FOXP1: variants seen among roughly 807,000 people sequenced by gnomAD.
FOXP1 encodes forkhead box protein P1.
In FOXP1, 15 loss-of-function variants were observed where a neutral mutation model predicts 98.2. The observed-to-expected ratio is 0.15, with a 90% CI of 0.10 to 0.24. The LOEUF (loss-of-function observed/expected upper bound fraction) is 0.24. Ranked by LOEUF, FOXP1 falls within the 10% of genes least tolerant of loss-of-function variation. FOXP1 has a pLI of 1.00. For missense variants in FOXP1, 633 were observed against 848.5 expected (o/e 0.75, Z 3.15); for synonymous variants, 371 against 314.5 (o/e 1.18, Z -1.90).
intron 7 of FOXP1, among the ~76,000 whole-genome samples, chr3:71,106,580 T>A (rs1173381779): frequency 6.6e-6 from 1 of 151,870 alleles, no homozygotes; most frequent in Non-Finnish European, 1.5e-5. Context: ...CGCCTTGGCT[T>A]CTCAAAGTGC....
At chr3:71,415,987 G>A (rs190810527) in intron 3 of FOXP1, among the ~76,000 whole-genome samples, 67 of 152,228 alleles carry the variant, frequency 4.4e-4, no homozygotes, top group Admixed American at 7.9e-4. Context: ...TTTCGTCACA[G>A]GAATGATAGA....
At chr3:71,542,971 T>G (rs1447247373) in intron 2 of FOXP1, among the ~76,000 whole-genome samples, 1 of 152,226 alleles carries the variant, frequency 6.6e-6, no homozygotes, top group African/African-American at 2.4e-5. Flanking sequence ...GTGGTCCAAG[T>G]TCAGCTGGGC....
intron 6 of FOXP1, among the ~76,000 whole-genome samples, chr3:71,132,435 TA>T (rs533046669): frequency 1.3e-5 from 2 of 151,852 alleles, no homozygotes; most frequent in East Asian, 1.9e-4. Context: ...GACATGCAAT[TA>T]AAAAAAATAA....
Position 71,197,195 on chromosome 3 carries a change from C to G in FOXP1, c.180+1007G>C, listed in dbSNP as rs180698542. On this transcript the variant is annotated intron_variant, in intron 6 of 20. Transcript: ENST00000649528. ...TCCCCACAAGAGTTCCTGCAGCTTT[C>G]AGAAAGGCCCAAAGATACTTCATTC... Among the ~76,000 whole-genome samples, 8 of 152,256 alleles carry G rather than the reference C, an allele frequency of 5.3e-5. No individual in the cohort carries two copies. In the East Asian group the frequency reaches 1.5e-3, roughly 29 times the overall value.
chr3:71,171,781 T>C (rs918789449), intron 6 of FOXP1, among the ~76,000 whole-genome samples: 1 of 152,242 alleles, frequency 6.6e-6, no homozygotes, highest in African/African-American at 2.4e-5. Flanking sequence ...CACACAGGGC[T>C]GGGGTCTGGG....
intron 6 of FOXP1, chr3:71,130,919 G>T: frequency 7.5e-7 from 1 of 1,341,454 alleles, no homozygotes; most frequent in Non-Finnish European, 9.6e-7. Flanking sequence ...CACACGCAGT[G>T]CGCCCTGGCT....
intron 11 of FOXP1, among the ~76,000 whole-genome samples, chr3:71,030,875 C>A (rs2046776824): frequency 6.6e-6 from 1 of 152,152 alleles, no homozygotes; most frequent in South Asian, 2.1e-4. Context: ...TTGTTCTTGT[C>A]ATAAATCTGA....
At chr3:71,505,627 G>A (rs1260329459) in intron 2 of FOXP1, among the ~76,000 whole-genome samples, 5 of 151,934 alleles carry the variant, frequency 3.3e-5, no homozygotes, top group Admixed American at 2.0e-4. Flanking sequence ...GGGTTTCACC[G>A]TGTTAGCCAG....
intron 20 of FOXP1, among the ~76,000 whole-genome samples, chr3:70,962,011 T>C (rs2033654639): frequency 6.6e-6 from 1 of 152,222 alleles, no homozygotes; most frequent in Non-Finnish European, 1.5e-5. Flanking sequence ...ATACCCTACA[T>C]TCTTTTAGGA....
intron 10 of FOXP1, among the ~76,000 whole-genome samples, chr3:71,042,745 G>C (rs1159215406): frequency 6.6e-6 from 1 of 152,118 alleles, no homozygotes; most frequent in Non-Finnish European, 1.5e-5. Context: ...AATTAAAAAA[G>C]AAGGCTGTGT....
At chr3:70,978,733 TCA>T (rs992453351) in intron 14 of FOXP1, among the ~76,000 whole-genome samples, 104 of 151,840 alleles carry the variant, frequency 6.8e-4, no homozygotes, top group African/African-American at 2.4e-3. Flanking sequence ...TTTGTTTCTA[TCA>T]ATCAATCAAT....
intron 6 of FOXP1, among the ~76,000 whole-genome samples, chr3:71,148,688 T>C (rs991185917): frequency 1.3e-5 from 2 of 152,226 alleles, no homozygotes; most frequent in African/African-American, 2.4e-5. Flanking sequence ...AATGGGAATA[T>C]AGAACTGTCC....
At chr3:71,361,706 G>C (rs1248787332) in intron 3 of FOXP1, among the ~76,000 whole-genome samples, 1 of 152,192 alleles carries the variant, frequency 6.6e-6, no homozygotes, top group East Asian at 1.9e-4. Flanking sequence ...GTTCCAGTGA[G>C]ACGCCGGTCT....
At chr3:71,051,650 A>C (rs2049910108) in intron 9 of FOXP1, among the ~76,000 whole-genome samples, 1 of 152,214 alleles carries the variant, frequency 6.6e-6, no homozygotes, top group Non-Finnish European at 1.5e-5. Flanking sequence ...CACTTAAACA[A>C]AAAGAATTTT....
intron 9 of FOXP1, 56 bp from the exon 10 acceptor site, chr3:71,047,151 G>C: frequency 6.3e-7 from 1 of 1,595,176 alleles, no homozygotes; most frequent in Non-Finnish European, 8.6e-7. Context: ...AAGGTTAAAA[G>C]TATGGACACT....
intron 11 of FOXP1, among the ~76,000 whole-genome samples, chr3:71,023,321 T>C (rs1347184549): frequency 1.3e-5 from 2 of 152,194 alleles, no homozygotes; most frequent in Non-Finnish European, 2.9e-5. Flanking sequence ...ATCCTCCTTT[T>C]TCAGGTCCAT....
intron 6 of FOXP1, among the ~76,000 whole-genome samples, chr3:71,150,068 A>G (rs2060495653): frequency 6.6e-6 from 1 of 152,248 alleles, no homozygotes; most frequent in Non-Finnish European, 1.5e-5. Context: ...ATAGCAGGAA[A>G]TGATTTTGCT....
At chr3:71,280,407 G>A (rs1308258232) in intron 5 of FOXP1, among the ~76,000 whole-genome samples, 3 of 150,478 alleles carry the variant, frequency 2.0e-5, no homozygotes, top group Non-Finnish European at 2.9e-5. Context: ...TGCAACCTCC[G>A]CCTCCCTGGT....
Position 71,181,922 on chromosome 3 carries a change from C to A in FOXP1, c.180+16280G>T, listed in dbSNP as rs1438180730. 2.6e-5 allele frequency among the ~76,000 whole-genome samples: 4 copies of A among 151,720 alleles called. No individual in the cohort carries two copies. The East Asian group carries it at 7.8e-4, about 30-fold the overall frequency. ...TGGTGGTGGGTGCCTGTAGTCCCAG[C>A]TACTCAGGAGGCTGAGGCAGGAGAA... On this transcript the variant is annotated intron_variant, in intron 6 of 20. Coordinates refer to ENST00000649528, the MANE Select transcript of FOXP1 (RefSeq NM_001349338.3).
Sources: gnomAD v4.1 joint callset for allele counts (sites outside exome capture counted in the v4.1 genomes callset) on GRCh38, gnomAD v4.1.1 for gene constraint, MANE v1.5 for transcripts, NCBI Gene and HGNC (gene_info 2026-07-23, HGNC 2026-07-21) for gene names.